The following PKN2 variants were observed in gnomAD, a reference collection of about 807,000 sequenced individuals.
PKN2 encodes the protein protein kinase N2.
A neutral mutation model predicts 119.1 loss-of-function variants in PKN2; 38 were observed. That is an observed-to-expected ratio of 0.32 (90% CI 0.25 to 0.42). The LOEUF (loss-of-function observed/expected upper bound fraction) is 0.42. Ranked by LOEUF, PKN2 falls within the 10% of genes least tolerant of loss-of-function variation. The pLI is 1.00. For missense variants in PKN2, 850 were observed against 1,165.1 expected (o/e 0.73, Z 3.94); for synonymous variants, 390 against 384.9 (o/e 1.01, Z -0.15).
chr1:88,771,426 C>A lies in PKN2; in HGVS notation c.628C>A (p.Pro210Thr). ...AATTTTTTTTTCCTTTCTAGCAAAA[C>A]CTGTGATAAGTCCTCTTGAACTTCG... ...TNELAFDNAKPVISPLELRME... is the reference protein window; with the variant it reads ...TNELAFDNAKTVISPLELRME... The change falls in exon 5 of 22, where the codon CCT (proline) becomes ACT (threonine). Residue 210 changes from proline (P) to threonine (T), a missense_variant. By Grantham distance (38) the Pro-to-Thr change is conservative (BLOSUM62 -1). Transcript: ENST00000370521. 6.3e-7 allele frequency: 1 copy of A among 1,583,736 alleles called. No individual in the cohort carries two copies. The highest frequency in any genetic ancestry group is 8.5e-7 in the Non-Finnish European group (1 of 1,170,488).
chr1:88,759,844 A>G (rs142659528), intron 2 of PKN2, among the ~76,000 whole-genome samples: 90 of 152,272 alleles, frequency 5.9e-4, no homozygotes, highest in African/African-American at 2.1e-3. Flanking sequence ...GAACTGACCA[A>G]AAACAAGCTC....
rs934390370 is a variant in PKN2 at position 88,835,220 on chromosome 1, G to T, written c.*1772G>T. On this transcript the variant is annotated 3_prime_UTR_variant, in exon 22 of 22. Coordinates refer to ENST00000370521, the MANE Select transcript of PKN2 (RefSeq NM_006256.4). ...ATCTTATAGAATGGGGGAACAATAT[G>T]TGGTTTAAAGTTATTTTAAAATGCC... 1 of 152,250 alleles carries T rather than the reference G, an allele frequency of 6.6e-6. No individual in the cohort carries two copies. Among genetic ancestry groups the T allele is most frequent in the South Asian group, 2.1e-4 (1 of 4,828 alleles). The allele number at this position is 152,250 out of a possible 1,614,324, so 9.4% of individuals were successfully genotyped here.
chr1:88,721,000 A>G (rs1470391244), intron 1 of PKN2, among the ~76,000 whole-genome samples: 5 of 151,988 alleles, frequency 3.3e-5, no homozygotes, highest in Admixed American at 2.0e-4. Flanking sequence ...CACACACACC[A>G]TATTTTCTTT....
At chr1:88,810,171 A>G (rs1447979877) in intron 15 of PKN2, among the ~76,000 whole-genome samples, 1 of 151,498 alleles carries the variant, frequency 6.6e-6, no homozygotes, top group African/African-American at 2.4e-5. Flanking sequence ...ACCAAACTGG[A>G]GTGCAATGGC....
chr1:88,698,967 A>T (rs761619927), intron 1 of PKN2, among the ~76,000 whole-genome samples: 1 of 152,150 alleles, frequency 6.6e-6, no homozygotes, highest in Non-Finnish European at 1.5e-5. Flanking sequence ...CAAAAATGAG[A>T]GTTTCAGTAC....
intron 1 of PKN2, among the ~76,000 whole-genome samples, chr1:88,739,649 C>T (rs1668498735): frequency 6.6e-6 from 1 of 152,130 alleles, no homozygotes; most frequent in South Asian, 2.1e-4. Flanking sequence ...TAGAGGTAAC[C>T]ATTATCTTTG....
intron 7 of PKN2, 91 bp from the exon 8 acceptor site, chr1:88,786,013 C>T (rs1184631173): frequency 1.5e-5 from 11 of 728,944 alleles, no homozygotes; most frequent in Non-Finnish European, 2.4e-5. Flanking sequence ...TTCAAAGGGT[C>T]TTAAGACTTT....
At chr1:88,818,880 C>T in intron 16 of PKN2, among the ~76,000 whole-genome samples, 1 of 152,152 alleles carries the variant, frequency 6.6e-6, no homozygotes, top group South Asian at 2.1e-4. Context: ...TGCCACACAT[C>T]TACAACCATC....
chr1:88,691,251 G>T (rs1459777967), intron 1 of PKN2, among the ~76,000 whole-genome samples: 1 of 151,806 alleles, frequency 6.6e-6, no homozygotes, highest in Non-Finnish European at 1.5e-5. Flanking sequence ...TTTTTGGAGA[G>T]ACGGGGTTTT....
At chr1:88,797,415 G>T (rs1301637704) in intron 8 of PKN2, among the ~76,000 whole-genome samples, 1 of 151,848 alleles carries the variant, frequency 6.6e-6, no homozygotes, top group Non-Finnish European at 1.5e-5. Flanking sequence ...AGGCTCAGGT[G>T]GGCGGATCAC....
At chr1:88,791,247 C>G (rs1410107674) in intron 8 of PKN2, among the ~76,000 whole-genome samples, 2 of 151,992 alleles carry the variant, frequency 1.3e-5, no homozygotes, top group African/African-American at 4.8e-5. Flanking sequence ...ACCAGCCTGA[C>G]CAACATGATG....
Position 88,776,717 on chromosome 1 carries a change from G to T in PKN2, c.985+4838G>T, listed in dbSNP as rs748209829. On this transcript the variant is annotated intron_variant, in intron 6 of 21. Coordinates refer to ENST00000370521, the MANE Select transcript of PKN2 (RefSeq NM_006256.4). The stretch of plus-strand genomic sequence containing the variant: ...ATCATGCCACTGCACTCCAGCCTGG[G>T]TGACAGAGTAAGACTCTGTCTTAAG... Among the ~76,000 whole-genome samples, 3 of 151,594 alleles carry T rather than the reference G, an allele frequency of 2.0e-5. No individual in the cohort carries two copies. The South Asian group carries it at 6.3e-4, about 32-fold the overall frequency.
intron 1 of PKN2, among the ~76,000 whole-genome samples, chr1:88,715,891 G>C (rs1300150843): frequency 6.6e-6 from 1 of 152,168 alleles, no homozygotes; most frequent in Non-Finnish European, 1.5e-5. Flanking sequence ...ATGTTAGGGT[G>C]TTGATTTTAG....
At chr1:88,690,961 A>G (rs1023860899) in intron 1 of PKN2, among the ~76,000 whole-genome samples, 2 of 152,208 alleles carry the variant, frequency 1.3e-5, no homozygotes, top group African/African-American at 4.8e-5. Context: ...GCTCATAAGT[A>G]CCTTAATTTA....
At chr1:88,686,047 G>A (rs1490739) in intron 1 of PKN2, among the ~76,000 whole-genome samples, 147,749 of 152,258 alleles carry the variant, frequency 0.97, 71,846 homozygotes, top group Middle Eastern at 1. Context: ...TTGCTATGTA[G>A]TATTTTAATT....
intron 8 of PKN2, 85 bp downstream of exon 8, chr1:88,786,298 G>A: frequency 1.6e-6 from 1 of 625,066 alleles, no homozygotes; most frequent in South Asian, 2.5e-5. Flanking sequence ...TCAACAAGTT[G>A]TATTCTTAAC....
intron 1 of PKN2, among the ~76,000 whole-genome samples, chr1:88,740,155 A>G (rs765640235): frequency 1.3e-5 from 2 of 152,130 alleles, no homozygotes; most frequent in Non-Finnish European, 2.9e-5. Flanking sequence ...TATATAAGTG[A>G]CTTGGTCATC....
At chr1:88,804,985 A>T (rs1167067779) in intron 10 of PKN2, 64 bp downstream of exon 10, 2 of 758,194 alleles carry the variant, frequency 2.6e-6, no homozygotes, top group Non-Finnish European at 4.5e-6. Context: ...ATTACCATTT[A>T]AAAAGTAATA....
intron 2 of PKN2, among the ~76,000 whole-genome samples, chr1:88,746,106 A>G (rs1315280969): frequency 6.6e-6 from 1 of 152,164 alleles, no homozygotes; most frequent in East Asian, 1.9e-4. Context: ...TTATACCTTT[A>G]TACCTTATAC....
Sources: gnomAD v4.1 joint callset for allele counts (sites outside exome capture counted in the v4.1 genomes callset) on GRCh38, gnomAD v4.1.1 for gene constraint, MANE v1.5 for transcripts, NCBI Gene and HGNC (gene_info 2026-07-23, HGNC 2026-07-21) for gene names.